The following CYP11B2 variants were observed in gnomAD, a reference collection of about 807,000 sequenced individuals.
The protein encoded by CYP11B2 is cytochrome P450 11B2, mitochondrial.
Under a neutral mutation model 49.3 loss-of-function variants are expected in CYP11B2, and 38 were observed. The observed-to-expected ratio is 0.77, with a 90% CI of 0.59 to 1.01. The LOEUF is 1.01. Ranked by LOEUF, CYP11B2 falls within the 50% of genes least tolerant of loss-of-function variation. The pLI is 0.00. For missense variants in CYP11B2, 669 were observed against 655.5 expected (o/e 1.02, Z -0.23); for synonymous variants, 290 against 269.3 (o/e 1.08, Z -0.75).
Position 142,913,280 on chromosome 8 carries a change from C to T in CYP11B2, c.1121+5G>A, listed in dbSNP as rs751714149. The T allele has an allele frequency of 6.2e-7, 1 of 1,613,026 alleles. No individual in the cohort carries two copies. Among genetic ancestry groups the T allele is most frequent in the South Asian group, 1.1e-5 (1 of 91,048 alleles). On this transcript the variant is annotated splice_donor_5th_base_variant and intron_variant, in intron 6 of 8. Coordinates refer to ENST00000323110, the MANE Select transcript of CYP11B2 (RefSeq NM_000498.3). ...GGCCACAGGGAGGCCTCAGCCAGCA[C>T]CCACCGCAAGGTCTCCTTGAGGGCC...
At position 142,914,842 on chromosome 8, in the gene CYP11B2, A is replaced by G; in HGVS notation, c.662T>C (p.Leu221Pro). ...LVGHSPSSAS[L>P]NFLHALEVMF... Reference sequence around the variant, plus strand: ...GACCTCCAGGGCATGGAGGAAGTTCAGGCTGGCAGAACTGGGGCTGTGGCC... The same window carrying G: ...GACCTCCAGGGCATGGAGGAAGTTCGGGCTGGCAGAACTGGGGCTGTGGCC... The change falls in exon 4 of 9, where the codon CTG becomes CCG. Residue 221 changes from leucine (L) to proline (P), a missense_variant. Transcript: ENST00000323110. The G allele has an allele frequency of 6.2e-7, 1 of 1,613,792 alleles. No homozygotes were observed. The highest frequency in any genetic ancestry group is 1.3e-5 in the African/African-American group (1 of 74,780).
chr8:142,912,904 A>G lies in CYP11B2; in HGVS notation c.1122-19T>C, dbSNP rs780093946. On this transcript the variant is annotated intron_variant, in intron 6 of 8. Transcript: ENST00000323110. ...GTAGAGCCTGGAGGTGGGGGCATCCATAGAAAGGGTCCTCAGCTGGATGGG... is the reference window on the plus strand; with the variant it reads ...GTAGAGCCTGGAGGTGGGGGCATCCGTAGAAAGGGTCCTCAGCTGGATGGG... 6.2e-7 allele frequency: 1 copy of G among 1,609,334 alleles called. No homozygotes were observed. The highest frequency in any genetic ancestry group is 1.1e-5 in the South Asian group (1 of 90,628).
intron 1 of CYP11B2, 132 bp from the exon 2 acceptor site, chr8:142,917,346 C>T: frequency 1.4e-6 from 2 of 1,395,468 alleles, no homozygotes; most frequent in Non-Finnish European, 2.0e-6. Context: ...CTAAAGCCCT[C>T]CTGCTGGCTC....
rs13268153 is a variant in CYP11B2, at chr8:142,917,010, C to T, written c.395+49G>A. On this transcript the variant is annotated intron_variant, in intron 2 of 8. Coordinates refer to ENST00000323110, the MANE Select transcript of CYP11B2 (RefSeq NM_000498.3). ...ACCTCTCTCGCCTCCCCCCTACACCCAGGCTGCCCACCCTGCTCCCAGCTC... is the reference window on the plus strand; with the variant it reads ...ACCTCTCTCGCCTCCCCCCTACACCTAGGCTGCCCACCCTGCTCCCAGCTC... The T allele has an allele frequency of 0.39, 630,727 of 1,606,348 alleles. 131,459 individuals are homozygous for T. Among genetic ancestry groups the T allele is most frequent in the Non-Finnish European group, 0.44 (515,850 of 1,176,128 alleles).
Position 142,912,111 on chromosome 8 carries a change from T to C in CYP11B2, c.1399-18A>G, listed in dbSNP as rs984357073. 6.2e-7 allele frequency: 1 copy of C among 1,613,728 alleles called. No individual in the cohort carries two copies. The highest frequency in any genetic ancestry group is 1.3e-5 in the African/African-American group (1 of 74,862). ...TTCAGCACCTAGGACAGAGGCTGGG[T>C]TTCCATCTGGCCTGGTCAGTAGCCC... is the stretch of plus-strand genomic sequence containing the variant. On this transcript the variant is annotated intron_variant, in intron 8 of 8. Coordinates refer to ENST00000323110, the MANE Select transcript of CYP11B2 (RefSeq NM_000498.3).
Position 142,911,840 on chromosome 8 carries a change from G to A in CYP11B2, c.*140C>T. 7.6e-7 allele frequency: 1 copy of A among 1,323,820 alleles called. No individual in the cohort carries two copies. Among genetic ancestry groups the A allele is most frequent in the Non-Finnish European group, 1.0e-6 (1 of 956,632 alleles). 82.0% of individuals were successfully genotyped at this position (1,323,820 alleles called of 1,614,324 possible). On this transcript the variant is annotated 3_prime_UTR_variant, in exon 9 of 9. Coordinates refer to ENST00000323110, the MANE Select transcript of CYP11B2 (RefSeq NM_000498.3). ...GGCAAGCCCCAGTCCTGGAGGCCCT[G>A]GGGAGTTCCATTTGTGCAGGAGCTG...
Position 142,912,014 on chromosome 8 carries a change from G to A in CYP11B2, c.1478C>T (p.Thr493Met), listed in dbSNP as rs138840536. The A allele has an allele frequency of 1.8e-5, 29 of 1,614,004 alleles. No individual in the cohort carries two copies. In the Middle Eastern group the frequency reaches 4.9e-4, roughly 28 times the overall value. The change falls in exon 9 of 9, where the codon ACG (threonine) becomes ATG (methionine). Residue 493 changes from threonine to methionine, a missense_variant. By Grantham distance (81) the Thr-to-Met change is moderately conservative. Transcript: ENST00000323110. ...MVYSFILRPG[T>M]SPLLTFRAIN is the part of the protein sequence containing the mutation. The stretch of plus-strand genomic sequence containing the variant: ...CGCTCTGAAAGTGAGGAGGGGGGAC[G>A]TGCCAGGCCTCAATATGAAGCTGTA...
chr8:142,913,250 G>A (rs1394193997), intron 6 of CYP11B2, 35 bp downstream of exon 6: 3 of 1,608,364 alleles, frequency 1.9e-6, no homozygotes, highest in East Asian at 2.2e-5. Context: ...CCAGCAGGGG[G>A]CCAGGGCCAC....
chr8:142,916,816 A>G (rs1402669325), intron 2 of CYP11B2, among the ~76,000 whole-genome samples: 1 of 152,104 alleles, frequency 6.6e-6, no homozygotes, highest in Non-Finnish European at 1.5e-5. Context: ...AGAAGGGCTC[A>G]TTGCTCTGCG....
At chr8:142,917,462 T>C in intron 1 of CYP11B2, 140 bp downstream of exon 1, 1 of 1,610,594 alleles carries the variant, frequency 6.2e-7, no homozygotes, top group South Asian at 1.1e-5. Context: ...GACCAGCATG[T>C]GCTGCACTCC....
In CYP11B2 at chr8:142,912,101, A is replaced by G; in HGVS notation, c.1399-8T>C. On this transcript the variant is annotated splice_region_variant and splice_polypyrimidine_tract_variant and intron_variant, in intron 8 of 8. Coordinates refer to ENST00000323110, the MANE Select transcript of CYP11B2 (RefSeq NM_000498.3). ...CAGGAAGTGCTTCAGCACCTAGGACAGAGGCTGGGTTTCCATCTGGCCTGG... is the reference window on the plus strand; with the variant it reads ...CAGGAAGTGCTTCAGCACCTAGGACGGAGGCTGGGTTTCCATCTGGCCTGG... 6.2e-7 allele frequency: 1 copy of G among 1,614,010 alleles called. No homozygotes were observed. Among genetic ancestry groups the G allele is most frequent in the Non-Finnish European group, 8.5e-7 (1 of 1,179,912 alleles).
Position 142,915,092 on chromosome 8 carries a change from G to T in CYP11B2, c.549C>A (p.Ser183Arg). ...KKKVLQNARG[S>R]LTLDVQPSIF... ...TGCTGGGCTGGACGTCCAGGGTCAG[G>T]CTCCCCCGGGCGTTCTGCAGCACCT... Residue 183 changes from serine (S) to arginine (R), a missense_variant, in exon 3 of 9, where the codon AGC becomes AGA. Coordinates refer to ENST00000323110, the MANE Select transcript of CYP11B2 (RefSeq NM_000498.3). The T allele has an allele frequency of 6.2e-7, 1 of 1,613,770 alleles. No homozygotes were observed. The highest frequency in any genetic ancestry group is 8.5e-7 in the Non-Finnish European group (1 of 1,179,920).
Position 142,912,726 on chromosome 8 carries a change from G to A in CYP11B2, c.1202C>T (p.Thr401Ile), listed in dbSNP as rs773985949. 2.5e-6 allele frequency: 4 copies of A among 1,613,728 alleles called. No homozygotes were observed. Among genetic ancestry groups the A allele is most frequent in the African/African-American group, 1.3e-5 (1 of 74,862 alleles). Residue 401 changes from threonine (T) to isoleucine (I), a missense_variant and splice_region_variant, in exon 8 of 9, where the codon ACA becomes ATA. Coordinates refer to ENST00000323110, the MANE Select transcript of CYP11B2 (RefSeq NM_000498.3). ...CGAGTAGAGGAAAACCTGTACCAAT[G>A]TCTGCGGACGGTGCAGAGCAGGGAT... is the stretch of plus-strand genomic sequence containing the variant. Reference protein sequence around the residue: ...VLQNYHIPAGTLVQVFLYSLG... With the variant: ...VLQNYHIPAGILVQVFLYSLG...
intron 1 of CYP11B2, 133 bp downstream of exon 1, chr8:142,917,469 C>G (rs1292107961): frequency 6.2e-7 from 1 of 1,611,960 alleles, no homozygotes; most frequent in Non-Finnish European, 8.5e-7. Context: ...ATGTGCTGCA[C>G]TCCTTCCCCA....
chr8:142,913,478 G>C (rs374566186), intron 5 of CYP11B2, 27 bp from the exon 6 acceptor site: 3 of 1,614,004 alleles, frequency 1.9e-6, no homozygotes, highest in Non-Finnish European at 1.7e-6. Context: ...TGCAGGGTCA[G>C]ACCTTGCACA....
chr8:142,917,208 G>T lies in CYP11B2; in HGVS notation c.246C>A (p.Asn82Lys), dbSNP rs72554628. The T allele has an allele frequency of 1.2e-6, 2 of 1,614,000 alleles. No individual in the cohort carries two copies. Among genetic ancestry groups the T allele is most frequent in the Non-Finnish European group, 1.7e-6 (2 of 1,180,018 alleles). The stretch of plus-strand genomic sequence containing the variant: ...CACACACCATGCGTGGTCCTCCCAA[G>T]TTGTACCTGTGGGGCCAAGCAGGAG... The part of the protein sequence containing the change: ...FQELGPIFRY[N>K]LGGPRMVCVM... The change falls in exon 2 of 9, where the codon AAC becomes AAA. Residue 82 changes from asparagine to lysine, a missense_variant. Asn to Lys is a moderately conservative substitution (Grantham distance 94). Transcript: ENST00000323110.
rs755670138 is a variant in CYP11B2 at position 142,912,055 on chromosome 8, C to T, written c.1437G>A (p.Glu479=). 2.5e-6 allele frequency: 4 copies of T among 1,613,964 alleles called. No homozygotes were observed. The highest frequency in any genetic ancestry group is 2.2e-5 in the East Asian group (1 of 44,886). The change falls in exon 9 of 9, where the codon GAG becomes GAA. Residue 479 remains glutamate, a synonymous_variant. Coordinates refer to ENST00000323110, the MANE Select transcript of CYP11B2 (RefSeq NM_000498.3). ...KHFLVETLTQ[E]DIKMVYSFIL... ...TGAAGCTGTAGACCATCTTTATGTC[C>T]TCTTGAGTTAGTGTCTCCACCAGGA...
chr8:142,912,559 C>T lies in CYP11B2; in HGVS notation c.1369G>A (p.Glu457Lys). Residue 457 changes from glutamate to lysine, a missense_variant, in exon 8 of 9, where the codon GAG becomes AAG. By Grantham distance (56) the Glu-to-Lys change is moderately conservative (BLOSUM62 1). Transcript: ENST00000323110. ...TGCAGCAGCAGCAGCATCTCTGCCT[C>T]TGCCAGGCGCCGCCCGAGGCACTGG... ...MRQCLGRRLA[E>K]AEMLLLLHHV... 2 of 1,614,034 alleles carry T rather than the reference C, an allele frequency of 1.2e-6. No homozygotes were observed. Among genetic ancestry groups the T allele is most frequent in the Non-Finnish European group, 1.7e-6 (2 of 1,180,008 alleles).
In CYP11B2 at chr8:142,917,633, G is replaced by C; in HGVS notation, c.208C>G (p.Gln70Glu). 6.2e-7 allele frequency: 1 copy of C among 1,614,230 alleles called. No individual in the cohort carries two copies. The highest frequency in any genetic ancestry group is 8.5e-7 in the Non-Finnish European group (1 of 1,180,042). The change falls in exon 1 of 9, where the codon CAG becomes GAG. Residue 70 changes from glutamine (Q) to glutamate (E), a missense_variant. Physicochemically the swap from Gln to Glu is conservative, Grantham distance 29 (BLOSUM62 2). Coordinates refer to ENST00000323110, the MANE Select transcript of CYP11B2 (RefSeq NM_000498.3). ...ATGGGCCCCAGCTCCTGGAAGGTCTGGTGCATCTCCAGGTGCAGGTGCTCA... is the reference window on the plus strand; with the variant it reads ...ATGGGCCCCAGCTCCTGGAAGGTCTCGTGCATCTCCAGGTGCAGGTGCTCA... The part of the protein sequence containing the change: ...GYEHLHLEMH[Q>E]TFQELGPIFR...
Sources: allele counts gnomAD v4.1 joint callset (sites outside exome capture counted in the v4.1 genomes callset), GRCh38; gene constraint gnomAD v4.1.1; transcripts MANE v1.5; gene names NCBI Gene and HGNC (gene_info 2026-07-23, HGNC 2026-07-21).